The following COL5A2 variants were observed in gnomAD, a reference collection of about 807,000 sequenced individuals.
COL5A2 encodes the protein collagen type V alpha 2 chain.
In COL5A2, 23 loss-of-function variants were observed where a neutral mutation model predicts 208.2. The ratio of observed to expected loss-of-function variants is 0.11; its 90% confidence interval spans 0.08 to 0.16. COL5A2 has a LOEUF of 0.16. Among genes scored for constraint, COL5A2 ranks in the 10% least tolerant of loss-of-function variants. The pLI is 1.00. For synonymous variants in COL5A2, 625 were observed against 628.5 expected, an observed-to-expected ratio of 0.99 and a Z score of 0.08; for missense variants, 1,590 against 1,956.4, an observed-to-expected ratio of 0.81 and a Z score of 3.53.
the COL5A2 span, among the ~76,000 whole-genome samples, chr2:189,319,067 G>GA: frequency 3.2e-4 from 48 of 150,098 alleles, no homozygotes; most frequent in Non-Finnish European, 5.8e-4. Flanking sequence ...ACATATTTGA[G>GA]AAAAAAAAAT....
chr2:189,425,741 T>C, the COL5A2 span, among the ~76,000 whole-genome samples: 17 of 152,264 alleles, frequency 1.1e-4, no homozygotes, highest in East Asian at 3.3e-3. Context: ...GTTTACATCA[T>C]CCCCCTGATG....
chr2:189,147,087 G>T (rs1430318303), intron 1 of COL5A2, among the ~76,000 whole-genome samples: 1 of 152,032 alleles, frequency 6.6e-6, no homozygotes, highest in Non-Finnish European at 1.5e-5. Flanking sequence ...TGTATTATTG[G>T]GGTAATACTA....
the COL5A2 span, among the ~76,000 whole-genome samples, chr2:189,425,277 A>G: frequency 6.6e-6 from 1 of 152,230 alleles, no homozygotes; most frequent in Admixed American, 6.5e-5. Flanking sequence ...CAACCATTAT[A>G]GGAAACAATA....
chr2:189,378,429 A>G, the COL5A2 span, among the ~76,000 whole-genome samples: 1 of 152,172 alleles, frequency 6.6e-6, no homozygotes, highest in South Asian at 2.1e-4. Flanking sequence ...TCACTGTTTA[A>G]AAAGGAGAAA....
chr2:189,059,806 A>T (rs1442815663), intron 31 of COL5A2, among the ~76,000 whole-genome samples: 1 of 151,384 alleles, frequency 6.6e-6, no homozygotes, highest in African/African-American at 2.4e-5. Context: ...GCTGGTCTCG[A>T]ACTCCTGATG....
chr2:189,432,113 G>A, the COL5A2 span, among the ~76,000 whole-genome samples: 1 of 152,182 alleles, frequency 6.6e-6, no homozygotes, highest in Non-Finnish European at 1.5e-5. Flanking sequence ...CATAAGTGAA[G>A]GAGAAATGAA....
the COL5A2 span, among the ~76,000 whole-genome samples, chr2:189,350,700 T>C: frequency 6.6e-6 from 1 of 152,152 alleles, no homozygotes; most frequent in African/African-American, 2.4e-5. Context: ...CAGAGTGTAA[T>C]TGTTCTGGGC....
chr2:189,322,221 A>G, the COL5A2 span, among the ~76,000 whole-genome samples: 1 of 152,362 alleles, frequency 6.6e-6, no homozygotes, highest in Non-Finnish European at 1.5e-5. Context: ...CACAAGAGAA[A>G]GCAGGAAAGA....
At chr2:189,389,515 C>T in the COL5A2 span, among the ~76,000 whole-genome samples, 1 of 152,274 alleles carries the variant, frequency 6.6e-6, no homozygotes, top group South Asian at 2.1e-4. Flanking sequence ...AATTTATCTG[C>T]TCCAGTGACT....
the COL5A2 span, among the ~76,000 whole-genome samples, chr2:189,401,879 G>A: frequency 1.1e-4 from 17 of 152,150 alleles, no homozygotes; most frequent in South Asian, 1.5e-3. Context: ...TTTGAGAAGC[G>A]TCTGTTCATG....
intron 12 of COL5A2, 137 bp from the exon 13 acceptor site, chr2:189,081,180 A>T: frequency 1.4e-6 from 1 of 707,968 alleles, no homozygotes; most frequent in Non-Finnish European, 2.5e-6. Flanking sequence ...AAAAAGCAGT[A>T]TACTTTTATC....
At chr2:189,271,559 G>A in the COL5A2 span, among the ~76,000 whole-genome samples, 3 of 152,084 alleles carry the variant, frequency 2.0e-5, no homozygotes, top group Admixed American at 6.6e-5. Flanking sequence ...AAAAACCCCA[G>A]AAGAAAACCT....
chr2:189,103,270 T>C (rs1687082131), intron 3 of COL5A2, among the ~76,000 whole-genome samples: 1 of 152,112 alleles, frequency 6.6e-6, no homozygotes, highest in South Asian at 2.1e-4. Flanking sequence ...CTTTGACATA[T>C]ATTCATATCT....
At chr2:189,268,834 C>A in the COL5A2 span, among the ~76,000 whole-genome samples, 1 of 152,078 alleles carries the variant, frequency 6.6e-6, no homozygotes, top group South Asian at 2.1e-4. Flanking sequence ...ATCTTTTGGT[C>A]AAGAAGACAA....
At chr2:189,331,274 T>C in the COL5A2 span, among the ~76,000 whole-genome samples, 1 of 152,274 alleles carries the variant, frequency 6.6e-6, no homozygotes, top group Admixed American at 6.5e-5. Flanking sequence ...CTCACACCTG[T>C]AATCCCAGCA....
the COL5A2 span, among the ~76,000 whole-genome samples, chr2:189,403,265 C>T: frequency 2.0e-4 from 31 of 152,110 alleles, no homozygotes; most frequent in Non-Finnish European, 4.3e-4. Flanking sequence ...GATTTTGTAT[C>T]CTGAGACTTT....
At chr2:189,046,987 T>G (rs1217875400) in intron 45 of COL5A2, among the ~76,000 whole-genome samples, 2 of 152,110 alleles carry the variant, frequency 1.3e-5, no homozygotes, top group East Asian at 3.9e-4. Context: ...CTGGGTGTGG[T>G]GGCACATGCC....
chr2:189,311,569 C>T, the COL5A2 span: 1 of 1,241,750 alleles, frequency 8.1e-7, no homozygotes. Flanking sequence ...CGTAGTGGGC[C>T]TCCACCTCCC....
At chr2:189,072,893 A>T (rs1686308664) in intron 17 of COL5A2, among the ~76,000 whole-genome samples, 1 of 152,130 alleles carries the variant, frequency 6.6e-6, no homozygotes, top group Admixed American at 6.5e-5. Context: ...ACCATTGATT[A>T]AAAGACTAAA....
Sources: allele counts gnomAD v4.1 joint callset (sites outside exome capture counted in the v4.1 genomes callset), GRCh38; gene constraint gnomAD v4.1.1; transcripts MANE v1.5; gene names NCBI Gene and HGNC (gene_info 2026-07-23, HGNC 2026-07-21).